The following SGCD variants were observed in gnomAD, a reference collection of about 807,000 sequenced individuals.
SGCD encodes the protein sarcoglycan delta, also known as delta-sarcoglycan.
SGCD carries 18 observed loss-of-function variants against 36.6 expected under a neutral mutation model. That is an observed-to-expected ratio of 0.49 (90% CI 0.34 to 0.73). The LOEUF is 0.73. Among genes scored for constraint, SGCD ranks in the 30% least tolerant of loss-of-function variants. The pLI is 0.01. For missense variants in SGCD, 387 were observed against 346.7 expected (o/e 1.12, Z -0.92); for synonymous variants, 133 against 130.6 (o/e 1.02, Z -0.12).
intron 1 of SGCD, among the ~76,000 whole-genome samples, chr5:156,060,567 A>G (rs1760178218): frequency 6.8e-6 from 1 of 146,054 alleles, no homozygotes; most frequent in Non-Finnish European, 1.5e-5. Flanking sequence ...ACTGGTTATA[A>G]TGGGAATGGG....
rs727504584 is a variant in SGCD at position 156,594,921 on chromosome 5, A to C, written c.383-11A>C. The C allele has an allele frequency of 3.2e-6, 5 of 1,571,018 alleles. No homozygotes were observed. The highest frequency in any genetic ancestry group is 4.4e-6 in the Non-Finnish European group (5 of 1,146,186). On this transcript the variant is annotated splice_polypyrimidine_tract_variant and intron_variant, in intron 5 of 8. Coordinates refer to ENST00000337851, the MANE Select transcript of SGCD (RefSeq NM_000337.6). ...CTCCTCTCTATCTCTCTATCTCTCTATATCTCTCAGGTCCAAAAGCCGTAG... is the reference window on the plus strand; with the variant it reads ...CTCCTCTCTATCTCTCTATCTCTCTCTATCTCTCAGGTCCAAAAGCCGTAG...
chr5:156,256,349 C>A (rs1173141144), intron 3 of SGCD, among the ~76,000 whole-genome samples: 1 of 152,146 alleles, frequency 6.6e-6, no homozygotes, highest in Non-Finnish European at 1.5e-5. Flanking sequence ...CCCACCTCTC[C>A]CTGAACGTGA....
chr5:155,994,653 A>G (rs896488667), intron 1 of SGCD, among the ~76,000 whole-genome samples: 1 of 152,190 alleles, frequency 6.6e-6, no homozygotes, highest in African/African-American at 2.4e-5. Context: ...TTAAGACATA[A>G]TCAATAATTG....
At chr5:156,193,153 T>G (rs1260447010) in intron 3 of SGCD, among the ~76,000 whole-genome samples, 1 of 152,144 alleles carries the variant, frequency 6.6e-6, no homozygotes, top group Admixed American at 6.5e-5. Flanking sequence ...GTTTTCTTCA[T>G]GTAGTCAAAG....
At chr5:155,873,179 G>A (rs879342526) in intron 1 of SGCD, among the ~76,000 whole-genome samples, 33 of 152,102 alleles carry the variant, frequency 2.2e-4, no homozygotes, top group Admixed American at 1.4e-3. Context: ...CATTTGGTAG[G>A]TGTCCAAGCC....
chr5:156,004,388 C>T (rs932046019), intron 1 of SGCD, among the ~76,000 whole-genome samples: 2 of 152,064 alleles, frequency 1.3e-5, no homozygotes, highest in Non-Finnish European at 2.9e-5. Flanking sequence ...TAATGATGAT[C>T]CCTTCTATTT....
chr5:156,390,658 A>AG (rs1477457436), intron 3 of SGCD, among the ~76,000 whole-genome samples: 1 of 152,162 alleles, frequency 6.6e-6, no homozygotes, highest in African/African-American at 2.4e-5. Context: ...TGAACCCGGG[A>AG]GGCAGAGGTT....
the SGCD span, among the ~76,000 whole-genome samples, chr5:155,729,661 A>T: frequency 6.6e-6 from 1 of 151,656 alleles, no homozygotes; most frequent in Admixed American, 6.6e-5. Context: ...GGGGGAGGGG[A>T]ACGGCTCCCT....
intron 1 of SGCD, among the ~76,000 whole-genome samples, chr5:156,016,926 T>C (rs1411294869): frequency 6.6e-6 from 1 of 152,202 alleles, no homozygotes; most frequent in East Asian, 1.9e-4. Context: ...TTCCTTGATA[T>C]GTGATTGCTG....
At chr5:155,940,116 C>T (rs759543985) in intron 1 of SGCD, among the ~76,000 whole-genome samples, 2 of 152,150 alleles carry the variant, frequency 1.3e-5, no homozygotes, top group Non-Finnish European at 2.9e-5. Context: ...GGATTATAGG[C>T]GTGAGCCATC....
rs1236556164 is a variant in SGCD, at chr5:156,257,381, G to A, written c.-43-72153G>A. Among the ~76,000 whole-genome samples the A allele has an allele frequency of 2.0e-5, 3 of 152,136 alleles. No homozygotes were observed. The East Asian group carries it at 5.8e-4, about 29-fold the overall frequency. ...CCCAGCTACTTGGGAGGCTGAGGCAGGAGAATGGCGTGAACCCTGGAGGCG... is the reference window on the plus strand; with the variant it reads ...CCCAGCTACTTGGGAGGCTGAGGCAAGAGAATGGCGTGAACCCTGGAGGCG... On this transcript the variant is annotated intron_variant, in intron 3 of 9. Coordinates refer to the SGCD transcript ENST00000517913.
chr5:155,980,301 A>G (rs1394307225), intron 1 of SGCD, among the ~76,000 whole-genome samples: 1 of 152,072 alleles, frequency 6.6e-6, no homozygotes, highest in Non-Finnish European at 1.5e-5. Flanking sequence ...AAGAGTTCTT[A>G]TTGGCCAGGA....
chr5:155,840,951 T>C, the SGCD span, among the ~76,000 whole-genome samples: 129,627 of 147,136 alleles, frequency 0.88, 57,154 homozygotes, highest in East Asian at 0.99. Context: ...GCAGAGGTTG[T>C]AGTGAGTCAA....
chr5:156,225,938 A>T (rs567902107), intron 3 of SGCD, among the ~76,000 whole-genome samples: 2 of 152,256 alleles, frequency 1.3e-5, no homozygotes, highest in South Asian at 4.1e-4. Context: ...TGATTTTTAT[A>T]TTTATAAAGG....
intron 3 of SGCD, among the ~76,000 whole-genome samples, chr5:156,158,205 T>G (rs1429716894): frequency 1.3e-5 from 2 of 151,592 alleles, no homozygotes; most frequent in Non-Finnish European, 2.9e-5. Flanking sequence ...ATCTATAGGA[T>G]AAGGGTTTCG....
intron 1 of SGCD, among the ~76,000 whole-genome samples, chr5:155,985,171 G>C (rs1193877181): frequency 1.3e-5 from 2 of 152,100 alleles, no homozygotes; most frequent in African/African-American, 4.8e-5. Flanking sequence ...TGTTTCCATT[G>C]GTCAGAAGTC....
intron 3 of SGCD, among the ~76,000 whole-genome samples, chr5:156,238,169 C>G (rs1050913719): frequency 1.3e-5 from 2 of 152,114 alleles, no homozygotes; most frequent in Non-Finnish European, 2.9e-5. Context: ...TCTCAAATTC[C>G]TGGGCTCAAG....
intron 7 of SGCD, among the ~76,000 whole-genome samples, chr5:156,720,387 A>G: frequency 6.6e-6 from 1 of 152,142 alleles, no homozygotes; most frequent in Non-Finnish European, 1.5e-5. Flanking sequence ...TTAAGCATAC[A>G]CCTGAAGGGA....
At chr5:155,768,952 TATGTATTCAAGG>T in the SGCD span, among the ~76,000 whole-genome samples, 1 of 152,174 alleles carries the variant, frequency 6.6e-6, no homozygotes, top group African/African-American at 2.4e-5. Context: ...GCAACAAAGA[TATGTATTCAAGG>T]ATGTTCATTG....
Sources: gnomAD v4.1 joint callset for allele counts (sites outside exome capture counted in the v4.1 genomes callset) on GRCh38, gnomAD v4.1.1 for gene constraint, MANE v1.5 for transcripts, NCBI Gene and HGNC (gene_info 2026-07-23, HGNC 2026-07-21) for gene names.